Variants in IQCH observed in about 807,000 individuals in gnomAD.
IQCH encodes the protein IQ motif containing H.
A neutral mutation model predicts 117.0 loss-of-function variants in IQCH; 98 were observed. The observed-to-expected ratio is 0.84, with a 90% confidence interval of 0.71 to 0.99. The LOEUF (loss-of-function observed/expected upper bound fraction) is 0.99, where lower values mean the gene tolerates loss of function less well. Among genes scored for constraint, IQCH ranks in the 50% least tolerant of loss-of-function variants. The pLI, the probability that IQCH is intolerant of heterozygous loss-of-function variation, is 0.00. For missense variants in IQCH, 1,102 were observed against 1,243.8 expected (o/e 0.89, Z 1.72); for synonymous variants, 412 against 448.2 (o/e 0.92, Z 1.02).
In IQCH at chr15:67,472,278, TG is replaced by T. The variant is rs1199659311; in HGVS notation, c.2677-3416del. Among the ~76,000 whole-genome samples the T allele has an allele frequency of 6.6e-6, 1 of 152,184 alleles. No individual in the cohort carries two copies. The highest frequency in any genetic ancestry group is 1.5e-5 in the Non-Finnish European group (1 of 68,036). ...GGAAAAGGCAGTGAACCAGTCAGAC[TG>T]GAGCACAGAACTGGGGAAGTGGGAA... On this transcript the variant is annotated intron_variant, in intron 17 of 20. Coordinates refer to ENST00000335894, the MANE Select transcript of IQCH (RefSeq NM_001031715.3). The surrounding 1 kb of genome is among the most constrained non-coding windows in gnomAD (Gnocchi z 4.3).
At chr15:67,319,846 G>A (rs1296831444) in intron 4 of IQCH, among the ~76,000 whole-genome samples, 1 of 152,122 alleles carries the variant, frequency 6.6e-6, no homozygotes, top group Non-Finnish European at 1.5e-5. Flanking sequence ...TATTTGAAGA[G>A]AAATTGTGAA....
At chr15:67,486,552 G>A (rs1264974703) in intron 18 of IQCH, among the ~76,000 whole-genome samples, 1 of 152,070 alleles carries the variant, frequency 6.6e-6, no homozygotes. Flanking sequence ...TCTCAATATG[G>A]AACTATTTTT....
chr15:67,362,258 CTG>C (rs925141460), intron 8 of IQCH, among the ~76,000 whole-genome samples: 16 of 151,758 alleles, frequency 1.1e-4, no homozygotes, highest in Non-Finnish European at 2.1e-4. Flanking sequence ...CTATACTTCT[CTG>C]TGTGTTTAAA....
intron 4 of IQCH, among the ~76,000 whole-genome samples, chr15:67,301,414 T>G (rs905403554): frequency 3.3e-5 from 4 of 122,870 alleles, no homozygotes; most frequent in Non-Finnish European, 5.5e-5. Flanking sequence ...TTTTTTTTTT[T>G]TTTTTTTTTT....
At chr15:67,273,584 CT>C (rs904976242) in intron 3 of IQCH, among the ~76,000 whole-genome samples, 3 of 152,050 alleles carry the variant, frequency 2.0e-5, no homozygotes, top group African/African-American at 7.2e-5. Context: ...TACATTTTGA[CT>C]TTTTTTGGTC....
At chr15:67,439,885 T>A in intron 16 of IQCH, among the ~76,000 whole-genome samples, 1 of 107,520 alleles carries the variant, frequency 9.3e-6, no homozygotes, top group East Asian at 2.5e-4. Context: ...CAAAACTCCG[T>A]CTCAAAAAAA....
chr15:67,427,829 A>AC lies in IQCH; in HGVS notation c.2505+6252_2505+6253insC, dbSNP rs2081927744. On this transcript the variant is annotated intron_variant, in intron 16 of 20. Coordinates refer to ENST00000335894, the MANE Select transcript of IQCH (RefSeq NM_001031715.3). This position sits in a 1 kb window ranked among gnomAD's most constrained non-coding sequence, Gnocchi z 4.7. ...CAAGTAGTCTAAATTCCAATAATAG[A>AC]TTTTTTTTTTTTTTTTTGAAGCAGA... Among the ~76,000 whole-genome samples the AC allele has an allele frequency of 7.1e-6, 1 of 141,688 alleles. No homozygotes were observed. The highest frequency in any genetic ancestry group is 1.5e-5 in the Non-Finnish European group (1 of 64,548). The allele number at this position is 141,688 out of a possible 152,430, so 93.0% of individuals were successfully genotyped here.
intron 6 of IQCH, among the ~76,000 whole-genome samples, chr15:67,346,995 A>C (rs1969424272): frequency 6.6e-6 from 1 of 152,120 alleles, no homozygotes; most frequent in South Asian, 2.1e-4. Flanking sequence ...TGACCACACA[A>C]CATATTGAAG....
chr15:67,375,249 T>C (rs984551712), intron 10 of IQCH, among the ~76,000 whole-genome samples: 1 of 152,026 alleles, frequency 6.6e-6, no homozygotes, highest in Non-Finnish European at 1.5e-5. Context: ...AACAACATAG[T>C]GAGACCCTGT....
chr15:67,256,786 C>T (rs556231557), intron 1 of IQCH, among the ~76,000 whole-genome samples: 243 of 152,316 alleles, frequency 1.6e-3, no homozygotes, highest in Admixed American at 3.0e-3. Context: ...TGCACCCCTA[C>T]TTATTTAAAA....
intron 8 of IQCH, 61 bp from the exon 9 acceptor site, chr15:67,372,050 A>T: frequency 7.3e-7 from 1 of 1,372,376 alleles, no homozygotes. Context: ...TGTCTTGACC[A>T]CTCATTTAAA....
At chr15:67,277,278 T>C (rs1966161447) in intron 3 of IQCH, among the ~76,000 whole-genome samples, 1 of 152,220 alleles carries the variant, frequency 6.6e-6, no homozygotes, top group Admixed American at 6.5e-5. Flanking sequence ...TCTGGTCTGA[T>C]AATTCCAAAA....
At chr15:67,462,871 A>G (rs181604704) in intron 16 of IQCH, among the ~76,000 whole-genome samples, 3 of 152,328 alleles carry the variant, frequency 2.0e-5, no homozygotes, top group Admixed American at 6.5e-5. Flanking sequence ...TTTACATTTC[A>G]TGCCATACAG....
In IQCH at chr15:67,477,762, T is replaced by C. The variant is rs1231602997; in HGVS notation, c.2799+1944T>C. 3.9e-5 allele frequency among the ~76,000 whole-genome samples: 6 copies of C among 152,178 alleles called. No homozygotes were observed. In the South Asian group the frequency reaches 6.2e-4, roughly 16 times the overall value. On this transcript the variant is annotated intron_variant, in intron 18 of 20. Coordinates refer to ENST00000335894, the MANE Select transcript of IQCH (RefSeq NM_001031715.3). ...CTAAAATATCAAAGTAGAACAACTC[T>C]GTAAAAAGGCATATTTGGCAGGGAC...
At chr15:67,328,814 A>G (rs767028235) in intron 4 of IQCH, among the ~76,000 whole-genome samples, 3 of 152,242 alleles carry the variant, frequency 2.0e-5, no homozygotes, top group Non-Finnish European at 2.9e-5. Flanking sequence ...GTAATAATCT[A>G]TATAAAGTTT....
At chr15:67,415,895 AAAT>A (rs2081563759) in intron 14 of IQCH, among the ~76,000 whole-genome samples, 1 of 152,190 alleles carries the variant, frequency 6.6e-6, no homozygotes, top group African/African-American at 2.4e-5. Context: ...AATCTAAAAA[AAAT>A]AAAATTTTTT....
chr15:67,362,536 A>G (rs1238246565), intron 8 of IQCH, among the ~76,000 whole-genome samples: 1 of 152,230 alleles, frequency 6.6e-6, no homozygotes, highest in Non-Finnish European at 1.5e-5. Context: ...TGGGTGAGTC[A>G]GCTGAACTGT....
rs1335693743 is a variant in IQCH at position 67,466,079 on chromosome 15, A to G, written c.2676+782A>G. 6.6e-6 allele frequency among the ~76,000 whole-genome samples: 1 copy of G among 152,172 alleles called. No individual in the cohort carries two copies. The highest frequency in any genetic ancestry group is 1.5e-5 in the Non-Finnish European group (1 of 68,022). On this transcript the variant is annotated intron_variant, in intron 17 of 20. Coordinates refer to ENST00000335894, the MANE Select transcript of IQCH (RefSeq NM_001031715.3). The surrounding 1 kb of genome is among the most constrained non-coding windows in gnomAD (Gnocchi z 4.4). ...CCCAGCTTGGTTAAGGAGCCCCATC[A>G]TGTTCCACCTCTTCCCACAGCTGCC...
intron 15 of IQCH, among the ~76,000 whole-genome samples, chr15:67,418,168 C>T (rs2081623804): frequency 6.6e-6 from 1 of 152,160 alleles, no homozygotes; most frequent in Admixed American, 6.5e-5. Context: ...CTCCGTGCTG[C>T]TCCAGGAGTC....
Sources: allele counts gnomAD v4.1 joint callset (sites outside exome capture counted in the v4.1 genomes callset), GRCh38; gene constraint gnomAD v4.1.1; non-coding constraint Gnocchi (gnomAD v3.1); transcripts MANE v1.5; gene names NCBI Gene and HGNC (gene_info 2026-07-23, HGNC 2026-07-21).